The following TPPP2 variants were observed in gnomAD, a reference collection of about 807,000 sequenced individuals.
TPPP2 encodes the protein tubulin polymerization-promoting protein family member 2.
A neutral mutation model predicts 13.0 loss-of-function variants in TPPP2; 8 were observed. The observed-to-expected ratio is 0.62, with a 90% confidence interval of 0.36 to 1.11. TPPP2 has a LOEUF of 1.11. Ranked by LOEUF, TPPP2 falls within the 50% of genes most tolerant of loss-of-function variation. The pLI is 0.02. For missense variants in TPPP2, 213 were observed against 216.9 expected (o/e 0.98, Z 0.11); for synonymous variants, 81 against 81.8 (o/e 0.99, Z 0.05).
At chr14:21,035,665 G>A (rs763890748), downstream of TPPP2, 34 of 421,272 alleles carry the variant, frequency 8.1e-5, no homozygotes, top group Admixed American at 5.0e-5. Flanking sequence ...GAGTAAGGCC[G>A]CAGAGAGAAA....
At chr14:21,033,876 C>A (rs752656495), downstream of TPPP2, 2 of 1,614,072 alleles carry the variant, frequency 1.2e-6, no homozygotes, top group East Asian at 2.2e-5. Flanking sequence ...CTTGCGGGAG[C>A]AGAGTAGGTA....
In TPPP2 at chr14:21,031,123, T is replaced by G. The variant is rs768105284; in HGVS notation, c.285T>G (p.Tyr95Ter). 2.5e-6 allele frequency: 4 copies of G among 1,614,156 alleles called. No individual in the cohort carries two copies. The highest frequency in any genetic ancestry group is 2.5e-6 in the Non-Finnish European group (3 of 1,180,012). The change falls in exon 3 of 4, where the codon TAT becomes TAG. Residue 95 changes from tyrosine (Y) to a stop codon, truncating the protein, a stop_gained. Coordinates refer to ENST00000321760, the MANE Select transcript of TPPP2 (RefSeq NM_173846.5). LOFTEE classifies it high-confidence loss of function. Reference protein sequence around the residue: ...KSPDEVLENIYGLMEGKDPAT... With the variant: ...KSPDEVLENI Reference sequence around the variant, plus strand: ...CAGATGAAGTCCTGGAGAACATTTATGGACTCATGGAGGGCAAAGACCCAG... The same window carrying G: ...CAGATGAAGTCCTGGAGAACATTTAGGGACTCATGGAGGGCAAAGACCCAG...
rs1884224042 is a variant in TPPP2, at chr14:21,031,994, G to T, written c.430G>T (p.Ala144Ser). 3.7e-6 allele frequency: 6 copies of T among 1,614,076 alleles called. No homozygotes were observed. The African/African-American group carries it at 8.0e-5, about 22-fold the overall frequency. Residue 144 changes from alanine to serine, a missense_variant, in exon 4 of 4, where the codon GCG becomes TCG. Transcript: ENST00000321760. ...TGAGAGTGGCAAGGGCAAGGGCATT[G>T]CGGGACGGGAAGAGATGACTGACAA... ...FDESGKGKGIAGREEMTDNTG... is the reference protein window; with the variant it reads ...FDESGKGKGISGREEMTDNTG...
chr14:21,031,024 C>T lies in TPPP2; in HGVS notation c.186C>T (p.Ala62=), dbSNP rs773454601. The T allele has an allele frequency of 6.2e-7, 1 of 1,609,714 alleles. No homozygotes were observed. Among genetic ancestry groups the T allele is most frequent in the South Asian group, 1.1e-5 (1 of 90,236 alleles). Residue 62 remains alanine (A), a synonymous_variant, in exon 3 of 4, where the codon GCC becomes GCT. Transcript: ENST00000321760. ...IVFSKVKAKN[A]RTITFQQFKE... ...TCTAACTGACCAGGGCCAAGAACGCCCGAACCATCACGTTTCAACAGTTCA... is the reference window on the plus strand; with the variant it reads ...TCTAACTGACCAGGGCCAAGAACGCTCGAACCATCACGTTTCAACAGTTCA...
chr14:21,032,183 C>A lies in TPPP2; in HGVS notation c.*106C>A. The A allele has an allele frequency of 8.4e-7, 1 of 1,191,172 alleles. No homozygotes were observed. The highest frequency in any genetic ancestry group is 1.2e-6 in the Non-Finnish European group (1 of 811,570). The allele number at this position is 1,191,172 out of a possible 1,614,324, so 73.8% of individuals were successfully genotyped here. The stretch of plus-strand genomic sequence containing the variant: ...TGTGTGCAGCAGCCAAAATCTCTGT[C>A]TGTGAGGGACAGATGAGCCTACTAG... On this transcript the variant is annotated 3_prime_UTR_variant, in exon 4 of 4. Transcript: ENST00000321760.
rs1291871408 is a variant in TPPP2, at chr14:21,031,944, C to T, written c.380C>T (p.Thr127Ile). ...CGTTTGACAGACACCAGCAAGTACA[C>T]CGGCACCCACAAGGAGCGCTTTGAT... is the stretch of plus-strand genomic sequence containing the variant. Reference protein sequence around the residue: ...VDRLTDTSKYTGTHKERFDES... With the variant: ...VDRLTDTSKYIGTHKERFDES... Residue 127 changes from threonine (T) to isoleucine (I), a missense_variant, in exon 4 of 4, where the codon ACC (threonine) becomes ATC (isoleucine). Thr to Ile is a moderately conservative substitution (Grantham distance 89). Transcript: ENST00000321760. 6.2e-7 allele frequency: 1 copy of T among 1,614,168 alleles called. No individual in the cohort carries two copies. The highest frequency in any genetic ancestry group is 8.5e-7 in the Non-Finnish European group (1 of 1,180,022).
upstream of TPPP2, chr14:21,025,962 C>T (rs1384440104): frequency 1.3e-5 from 2 of 153,530 alleles, no homozygotes; most frequent in East Asian, 3.9e-4. The surrounding 1 kb of genome is among the most constrained non-coding windows in gnomAD (Gnocchi z 5.1). Context: ...TTGGGGAGGA[C>T]GCAGTGTCCT....
At chr14:21,024,477 A>C in intron 1 of TPPP2, 2 of 966,564 alleles carry the variant, frequency 2.1e-6, no homozygotes, top group Non-Finnish European at 2.5e-6. Flanking sequence ...GCGGGGGAAT[A>C]GGGGATCCCC....
intron 1 of TPPP2, chr14:21,024,492 T>A: frequency 1.0e-6 from 1 of 984,202 alleles, no homozygotes; most frequent in Non-Finnish European, 1.2e-6. Context: ...ATCCCCAAAA[T>A]TTTTGACAGC....
intron 1 of TPPP2, chr14:21,024,373 G>T: frequency 1.1e-6 from 1 of 940,764 alleles, no homozygotes; most frequent in Non-Finnish European, 1.3e-6. Flanking sequence ...CAGAACCTCC[G>T]GATTCGAATC....
intron 3 of TPPP2, 71 bp downstream of exon 3, chr14:21,031,236 C>A (rs1743891960): frequency 1.3e-6 from 2 of 1,556,650 alleles, no homozygotes; most frequent in East Asian, 2.3e-5. Context: ...CCCTCCCTAA[C>A]CCTGCCAACT....
upstream of TPPP2, chr14:21,025,501 C>T (rs2139046629): frequency 1.0e-6 from 1 of 985,290 alleles, no homozygotes; most frequent in East Asian, 1.1e-4. This position sits in a 1 kb window ranked among gnomAD's most constrained non-coding sequence, Gnocchi z 5.1. Context: ...GAGTTCGACT[C>T]CCCCCGCCCG....
downstream of TPPP2, chr14:21,035,972 C>T (rs944226250): frequency 3.3e-5 from 13 of 391,126 alleles, no homozygotes; most frequent in Middle Eastern, 3.7e-4. Flanking sequence ...TATCTGTTTA[C>T]GAAACCACTG....
chr14:21,035,838 C>G (rs1437262161), downstream of TPPP2: 2 of 456,196 alleles, frequency 4.4e-6, no homozygotes, highest in Admixed American at 2.3e-5. Context: ...GATCCTAGAC[C>G]CCTCCACCTC....
chr14:21,025,209 C>T lies in TPPP2; in HGVS notation n.236+865C>T. The T allele has an allele frequency of 1.1e-6, 1 of 869,808 alleles. No homozygotes were observed. The highest frequency in any genetic ancestry group is 1.4e-6 in the Non-Finnish European group (1 of 724,420). The allele number at this position is 869,808 out of a possible 1,614,324, so 53.9% of individuals were successfully genotyped here. On this transcript the variant is annotated intron_variant and non_coding_transcript_variant, in intron 1 of 1. Coordinates refer to the TPPP2 transcript ENST00000533755. This position sits in a 1 kb window ranked among gnomAD's most constrained non-coding sequence, Gnocchi z 5.1. ...CCCTTTCACCCCGCCCAGACTGCCG[C>T]TCAGGAAAGGGTTGTGCTGGGGCCG...
chr14:21,031,398 A>G (rs539166280), intron 3 of TPPP2: 83 of 528,384 alleles, frequency 1.6e-4, no homozygotes, highest in African/African-American at 1.5e-3. Flanking sequence ...AGTGTCTAGT[A>G]TCTGAGCCAG....
upstream of TPPP2, among the ~76,000 whole-genome samples, chr14:21,027,380 T>C (rs576335160): frequency 4.3e-4 from 65 of 152,092 alleles, no homozygotes; most frequent in South Asian, 0.012. Context: ...AAATTCAAAG[T>C]GTGCATCTGG....
upstream of TPPP2, chr14:21,025,793 A>C: frequency 4.0e-6 from 3 of 753,280 alleles, no homozygotes; most frequent in South Asian, 6.0e-5. The surrounding 1 kb of genome is among the most constrained non-coding windows in gnomAD (Gnocchi z 5.1). Context: ...ATAGAGGGCG[A>C]TCGCGGGCAG....
chr14:21,033,221 G>A, downstream of TPPP2: 1 of 343,816 alleles, frequency 2.9e-6, no homozygotes, highest in South Asian at 2.2e-5. Context: ...AGAGGAAGCA[G>A]GAGAGGACAG....
Sources: allele counts gnomAD v4.1 joint callset (sites outside exome capture counted in the v4.1 genomes callset), GRCh38; gene constraint gnomAD v4.1.1; non-coding constraint Gnocchi (gnomAD v3.1); transcripts MANE v1.5; gene names NCBI Gene and HGNC (gene_info 2026-07-23, HGNC 2026-07-21).